KL: variants seen among roughly 807,000 people sequenced by gnomAD.
The protein encoded by KL is alpha-klotho.
KL carries 62 observed loss-of-function variants against 84.2 expected under a neutral mutation model. That is an observed-to-expected ratio of 0.74 (90% CI 0.60 to 0.91). KL has a LOEUF of 0.91. Ranked by LOEUF, KL falls within the 40% of genes least tolerant of loss-of-function variation. The pLI, the probability that KL is intolerant of heterozygous loss-of-function variation, is 0.00. For missense variants in KL, 1,261 were observed against 1,305.7 expected, an observed-to-expected ratio of 0.97 and a Z score of 0.53; for synonymous variants, 528 against 528.0, an observed-to-expected ratio of 1.00 and a Z score of 0.00.
Position 33,032,588 on chromosome 13 carries a change from TC to T in KL, c.819+15330del, listed in dbSNP as rs539803559. Among the ~76,000 whole-genome samples, 327 of 152,132 alleles carry T rather than the reference TC, an allele frequency of 2.1e-3. 1 individual carries two copies. Among genetic ancestry groups the T allele is most frequent in the African/African-American group, 7.2e-3 (298 of 41,518 alleles). Reference sequence around the variant, plus strand: ...AGGAAGTGGTATGGACTTCTTTTCTTCTTCTTCTTCTTCTTTTCACTTATTC... The same window carrying T: ...AGGAAGTGGTATGGACTTCTTTTCTTTTCTTCTTCTTCTTTTCACTTATTC... On this transcript the variant is annotated intron_variant, in intron 1 of 4. Transcript: ENST00000380099.
At chr13:33,052,966 G>A (rs1871809861) in intron 1 of KL, among the ~76,000 whole-genome samples, 1 of 152,186 alleles carries the variant, frequency 6.6e-6, no homozygotes, top group African/African-American at 2.4e-5. Flanking sequence ...GGAAACAAAT[G>A]AAAATAAGAT....
intron 1 of KL, among the ~76,000 whole-genome samples, chr13:33,018,837 A>G (rs1383405586): frequency 1.3e-5 from 2 of 152,220 alleles, no homozygotes; most frequent in East Asian, 3.8e-4. Context: ...AGTCCCTAGG[A>G]TAAACTTGCA....
Position 33,059,371 on chromosome 13 carries a change from T to G in KL, c.1600-1308T>G, listed in dbSNP as rs139479179. Among the ~76,000 whole-genome samples, 47 of 152,352 alleles carry G rather than the reference T, an allele frequency of 3.1e-4. No individual in the cohort carries two copies. The East Asian group carries it at 8.5e-3, about 27-fold the overall frequency. ...AATCATCATCATTGTTACAGAAGAA[T>G]AATTTAGAAAAATTTTTTAACTACG... is the stretch of plus-strand genomic sequence containing the variant. On this transcript the variant is annotated intron_variant, in intron 3 of 4. Transcript: ENST00000380099.
At chr13:33,038,291 C>A (rs1486504866) in intron 1 of KL, among the ~76,000 whole-genome samples, 1 of 152,198 alleles carries the variant, frequency 6.6e-6, no homozygotes, top group African/African-American at 2.4e-5. Context: ...TTGATATCAT[C>A]ATTTTCACAA....
chr13:33,026,820 A>G (rs1870795891), intron 1 of KL, among the ~76,000 whole-genome samples: 2 of 152,078 alleles, frequency 1.3e-5, no homozygotes, highest in Non-Finnish European at 2.9e-5. Flanking sequence ...CTTTCTCCCT[A>G]CTTGGGACTT....
intron 1 of KL, among the ~76,000 whole-genome samples, chr13:33,033,539 C>A (rs1164070584): frequency 1.3e-5 from 2 of 151,622 alleles, no homozygotes; most frequent in Admixed American, 6.6e-5. Context: ...TTTTTTTTTA[C>A]TCTTCTCCCT....
chr13:33,022,241 A>C (rs1326068774), intron 1 of KL, among the ~76,000 whole-genome samples: 1 of 152,228 alleles, frequency 6.6e-6, no homozygotes, highest in Admixed American at 6.5e-5. Flanking sequence ...TGCCAGCTGA[A>C]TATGTAGCAA....
chr13:33,046,664 C>T (rs1040587959), intron 1 of KL, among the ~76,000 whole-genome samples: 1 of 149,624 alleles, frequency 6.7e-6, no homozygotes, highest in African/African-American at 2.4e-5. Context: ...TTTATTAGTT[C>T]CTTTATTCTG....
intron 3 of KL, among the ~76,000 whole-genome samples, chr13:33,059,690 C>T (rs898085051): frequency 1.3e-5 from 2 of 152,174 alleles, no homozygotes; most frequent in Non-Finnish European, 2.9e-5. Context: ...TCAGGCTGGT[C>T]TCAAACTCCT....
chr13:33,036,218 C>T (rs866803204), intron 1 of KL, among the ~76,000 whole-genome samples: 2 of 152,160 alleles, frequency 1.3e-5, no homozygotes, highest in Non-Finnish European at 2.9e-5. Context: ...AGAAAAGGGA[C>T]TTTACGACAA....
rs1163169351 is a variant in KL, at chr13:33,016,458, G to A, written c.18G>A (p.Pro6=). The A allele has an allele frequency of 1.0e-6, 1 of 971,400 alleles. No individual in the cohort carries two copies. The highest frequency in any genetic ancestry group is 1.2e-6 in the Non-Finnish European group (1 of 821,464). The allele number at this position is 971,400 out of a possible 1,614,324, so 60.2% of individuals were successfully genotyped here. Residue 6 remains proline (P), a synonymous_variant, in exon 1 of 5, where the codon CCG becomes CCA. Coordinates refer to ENST00000380099, the MANE Select transcript of KL (RefSeq NM_004795.4). MPASA[P]PRRPRPPPPS... ...CGCGCAGCATGCCCGCCAGCGCCCCGCCGCGCCGCCCGCGGCCGCCGCCGC... is the reference window on the plus strand; with the variant it reads ...CGCGCAGCATGCCCGCCAGCGCCCCACCGCGCCGCCCGCGGCCGCCGCCGC...
intron 1 of KL, among the ~76,000 whole-genome samples, chr13:33,042,133 A>G (rs73460915): frequency 0.032 from 4,849 of 152,268 alleles, 303 homozygotes; most frequent in African/African-American, 0.11. Context: ...GGAGAAAATC[A>G]GTATTCTCTT....
At chr13:33,025,865 C>G (rs556986941) in intron 1 of KL, among the ~76,000 whole-genome samples, 3 of 152,306 alleles carry the variant, frequency 2.0e-5, no homozygotes, top group East Asian at 1.9e-4. Flanking sequence ...TCCCTGTCAT[C>G]TCTTTGGTAG....
At chr13:33,016,376 G>T, upstream of KL, 1 of 165,610 alleles carries the variant, frequency 6.0e-6, no homozygotes, top group South Asian at 1.8e-4. Context: ...TGGGCGGGCG[G>T]GCGCGGCGGG....
chr13:33,043,832 T>G (rs980092688), intron 1 of KL, among the ~76,000 whole-genome samples: 1 of 152,216 alleles, frequency 6.6e-6, no homozygotes. Flanking sequence ...TCATCAAATG[T>G]TAGCGAAATG....
chr13:33,033,574 C>T (rs1251508864), intron 1 of KL, among the ~76,000 whole-genome samples: 2 of 152,108 alleles, frequency 1.3e-5, no homozygotes, highest in Non-Finnish European at 2.9e-5. Context: ...TCCCAACCTG[C>T]CCTACCGCCA....
intron 1 of KL, among the ~76,000 whole-genome samples, chr13:33,047,223 C>T (rs1871568461): frequency 6.6e-6 from 1 of 152,028 alleles, no homozygotes; most frequent in African/African-American, 2.4e-5. Context: ...ATAACCATGC[C>T]AGATTTTTAA....
At chr13:33,063,783 A>T in intron 4 of KL, 66 bp from the exon 5 acceptor site, 2 of 1,469,362 alleles carry the variant, frequency 1.4e-6, no homozygotes, top group Non-Finnish European at 1.9e-6. Context: ...TCTCAAAAAA[A>T]AAAAAAAGTG....
chr13:33,021,785 G>A (rs961626081), intron 1 of KL, among the ~76,000 whole-genome samples: 1 of 152,184 alleles, frequency 6.6e-6, no homozygotes. Flanking sequence ...TTGGGAGGCT[G>A]AGGCAGGAGA....
Sources: gnomAD v4.1 joint callset for allele counts (sites outside exome capture counted in the v4.1 genomes callset) on GRCh38, gnomAD v4.1.1 for gene constraint, MANE v1.5 for transcripts, NCBI Gene and HGNC (gene_info 2026-07-23, HGNC 2026-07-21) for gene names.